The following TIMM44 variants were observed in gnomAD, a reference collection of about 807,000 sequenced individuals.
TIMM44 encodes the protein translocase of inner mitochondrial membrane 44.
In TIMM44, 37 loss-of-function variants were observed where a neutral mutation model predicts 63.8. That is an observed-to-expected ratio of 0.58 (90% CI 0.45 to 0.76). The LOEUF is 0.76. Ranked by LOEUF, TIMM44 falls within the 30% of genes least tolerant of loss-of-function variation. The pLI is 0.00. For synonymous variants in TIMM44, 239 were observed against 245.1 expected, an observed-to-expected ratio of 0.98 and a Z score of 0.23; for missense variants, 573 against 603.8, an observed-to-expected ratio of 0.95 and a Z score of 0.54.
At chr19:7,927,863 G>C (rs1466817414) in intron 11 of TIMM44, 96 bp from the exon 12 acceptor site, 19 of 1,330,244 alleles carry the variant, frequency 1.4e-5, no homozygotes, top group Admixed American at 1.1e-4. Context: ...CTAGGAGAAG[G>C]CTCCAGCACC....
At position 7,941,256 on chromosome 19, in the gene TIMM44, G is replaced by A. The variant is rs982475541; in HGVS notation, c.46-59C>T. 182 of 1,351,332 alleles carry A rather than the reference G, an allele frequency of 1.3e-4. 1 individual carries two copies. In the Middle Eastern group the frequency reaches 3.3e-3, roughly 24 times the overall value. The allele number at this position is 1,351,332 out of a possible 1,614,324, so 83.7% of individuals were successfully genotyped here. On this transcript the variant is annotated intron_variant, in intron 1 of 12. Transcript: ENST00000270538. Reference sequence around the variant, plus strand: ...TAACAAGAGGTTGACTGAGAAGTAAGCAGACCACACACAAAACAGCAGGGT... The same window carrying A: ...TAACAAGAGGTTGACTGAGAAGTAAACAGACCACACACAAAACAGCAGGGT...
chr19:7,932,546 C>T, intron 9 of TIMM44, 81 bp downstream of exon 9: 1 of 1,583,004 alleles, frequency 6.3e-7, no homozygotes, highest in Non-Finnish European at 8.6e-7. Context: ...CCTGGCAGCA[C>T]CCAGGGTGCC....
At chr19:7,939,432 T>C (rs1984243250) in intron 2 of TIMM44, among the ~76,000 whole-genome samples, 1 of 148,748 alleles carries the variant, frequency 6.7e-6, no homozygotes, top group Non-Finnish European at 1.5e-5. Flanking sequence ...ACCAACATAG[T>C]GAAACCCCCG....
At position 7,932,724 on chromosome 19, in the gene TIMM44, G is replaced by A. The variant is rs1352281392; in HGVS notation, c.890C>T (p.Ser297Leu). ...CCGGAGGATCTCCGTGAGCACCTCC[G>A]ACATCTCTGTCTTGGAGAACAGGCC... ...LGGLFSKTEM[S>L]EVLTEILRVD... Residue 297 changes from serine (S) to leucine (L), a missense_variant, in exon 9 of 13, where the codon TCG becomes TTG. Ser to Leu is a moderately radical substitution (Grantham distance 145). Coordinates refer to ENST00000270538, the MANE Select transcript of TIMM44 (RefSeq NM_006351.4). 6 of 1,614,096 alleles carry A rather than the reference G, an allele frequency of 3.7e-6. No homozygotes were observed. The highest frequency in any genetic ancestry group is 1.6e-4 in the Middle Eastern group (1 of 6,062).
At position 7,927,087 on chromosome 19, in the gene TIMM44, C is replaced by T. The variant is rs59433043; in HGVS notation, c.*100G>A. 4,577 of 1,495,414 alleles carry T rather than the reference C, an allele frequency of 3.1e-3. 118 individuals are homozygous for T. The African/African-American group carries it at 0.051, about 17-fold the overall frequency. The allele number at this position is 1,495,414 out of a possible 1,614,324, so 92.6% of individuals were successfully genotyped here. A position where few individuals can be genotyped will look rare whatever the true frequency, so the allele number is the denominator to read the frequency against. Reference sequence around the variant, plus strand: ...TCCTGGCAGAGCTGGGGGCAGAGCCCGCAGTCTTGTTCCCAGAGGTCTGGA... The same window carrying T: ...TCCTGGCAGAGCTGGGGGCAGAGCCTGCAGTCTTGTTCCCAGAGGTCTGGA... On this transcript the variant is annotated 3_prime_UTR_variant, in exon 13 of 13. Transcript: ENST00000270538.
In TIMM44 at chr19:7,943,656, G is replaced by A. The variant is rs1459667351; in HGVS notation, c.-5C>T. 6.4e-7 allele frequency: 1 copy of A among 1,563,664 alleles called. No individual in the cohort carries two copies. Among genetic ancestry groups the A allele is most frequent in the African/African-American group, 1.4e-5 (1 of 74,052 alleles). On this transcript the variant is annotated 5_prime_UTR_variant, in exon 1 of 13. Transcript: ENST00000270538. The surrounding 1 kb of genome is among the most constrained non-coding windows in gnomAD (Gnocchi z 4.3). ...CCGCAGGGCCGCCGCCGCCATGTTG[G>A]AGAATCGTGTGACCTTCTCGCGGCG...
intron 2 of TIMM44, among the ~76,000 whole-genome samples, chr19:7,940,046 C>T (rs751531977): frequency 6.6e-6 from 1 of 152,182 alleles, no homozygotes; most frequent in Non-Finnish European, 1.5e-5. Flanking sequence ...TCCCTGGCTC[C>T]TGTCAAGCTA....
At position 7,939,959 on chromosome 19, in the gene TIMM44, A is replaced by C. The variant is rs570631924; in HGVS notation, c.141+1143T>G. Among the ~76,000 whole-genome samples the C allele has an allele frequency of 1.6e-4, 25 of 152,092 alleles. 1 individual carries two copies. The highest frequency in any genetic ancestry group is 1.5e-3 in the South Asian group (7 of 4,816). ...TTAATGAATGATCATACAATAATCC[A>C]ATCAGGCGGAAGGGGCCGCCTGTGG... On this transcript the variant is annotated intron_variant, in intron 2 of 12. Transcript: ENST00000270538.
intron 2 of TIMM44, among the ~76,000 whole-genome samples, chr19:7,938,530 G>A (rs1050308151): frequency 6.6e-6 from 1 of 152,112 alleles, no homozygotes; most frequent in Non-Finnish European, 1.5e-5. Flanking sequence ...AAACAGGCTG[G>A]GCGCGGTGGT....
chr19:7,928,363 GAAC>G lies in TIMM44; in HGVS notation c.1039-200_1039-198del, dbSNP rs1222754696. ...CAGATCACACGCTTCCCACTCCTGG[GAAC>G]AACACTCTATCCAGATGACCCAATG... On this transcript the variant is annotated intron_variant, in intron 10 of 12. Transcript: ENST00000270538. 14 of 595,026 alleles carry G rather than the reference GAAC, an allele frequency of 2.4e-5. No homozygotes were observed. In the East Asian group the frequency reaches 3.6e-4, roughly 15 times the overall value. The allele number at this position is 595,026 out of a possible 1,614,324, so 36.9% of individuals were successfully genotyped here.
chr19:7,927,025 C>G lies in TIMM44; in HGVS notation c.*162G>C. The G allele has an allele frequency of 3.9e-6, 4 of 1,035,792 alleles. No individual in the cohort carries two copies. In the South Asian group the frequency reaches 4.4e-5, roughly 11 times the overall value. The allele number at this position is 1,035,792 out of a possible 1,614,324, so 64.2% of individuals were successfully genotyped here. A position where few individuals can be genotyped will look rare whatever the true frequency, so the allele number is the denominator to read the frequency against. On this transcript the variant is annotated 3_prime_UTR_variant, in exon 13 of 13. Coordinates refer to ENST00000270538, the MANE Select transcript of TIMM44 (RefSeq NM_006351.4). ...CCAGCTGCCGCGCACCCGCAACAGCCCGTTGTCCCCTCCCGGGCCAGCTGG... is the reference window on the plus strand; with the variant it reads ...CCAGCTGCCGCGCACCCGCAACAGCGCGTTGTCCCCTCCCGGGCCAGCTGG...
In TIMM44 at chr19:7,935,159, G is replaced by GCT. The variant is rs1644583030; in HGVS notation, c.313-16_313-15dup. ...CTCGATGGTTTTCTAGGTAAAGAGC[G>GCT]CTGTGTCCTTTTTTTTTTTTTTTTT... On this transcript the variant is annotated splice_polypyrimidine_tract_variant and intron_variant, in intron 3 of 12. Transcript: ENST00000270538. 2 of 1,521,080 alleles carry GCT rather than the reference G, an allele frequency of 1.3e-6. No homozygotes were observed. Among genetic ancestry groups the GCT allele is most frequent in the South Asian group, 2.3e-5 (2 of 87,178 alleles). 94.2% of individuals were successfully genotyped at this position (1,521,080 alleles called of 1,614,324 possible).
At chr19:7,928,506 ACT>A in intron 10 of TIMM44, 1 of 300,788 alleles carries the variant, frequency 3.3e-6, no homozygotes, top group East Asian at 7.7e-5. Context: ...TATTCGCCGC[ACT>A]CTGAATCTTG....
chr19:7,940,049 T>C (rs1984262916), intron 2 of TIMM44, among the ~76,000 whole-genome samples: 1 of 152,094 alleles, frequency 6.6e-6, no homozygotes, highest in African/African-American at 2.4e-5. Context: ...CTGGCTCCTG[T>C]CAAGCTACAA....
rs1027282468 is a variant in TIMM44, at chr19:7,932,211, C to T, written c.987+416G>A. The T allele has an allele frequency of 2.5e-5, 6 of 241,932 alleles. No individual in the cohort carries two copies. In the South Asian group the frequency reaches 3.3e-4, roughly 13 times the overall value. 15.0% of individuals were successfully genotyped at this position (241,932 alleles called of 1,614,324 possible). ...ACAAGGGTCTGGTTGCCAGGGACAG[C>T]ACCGTGAGGGAACCTCACGGCTGCA... On this transcript the variant is annotated intron_variant, in intron 9 of 12. Coordinates refer to ENST00000270538, the MANE Select transcript of TIMM44 (RefSeq NM_006351.4).
At position 7,933,443 on chromosome 19, in the gene TIMM44, C is replaced by A. The variant is rs1213758862; in HGVS notation, c.769+42G>T. 3.8e-6 allele frequency: 6 copies of A among 1,580,318 alleles called. No individual in the cohort carries two copies. Among genetic ancestry groups the A allele is most frequent in the Non-Finnish European group, 5.2e-6 (6 of 1,149,100 alleles). On this transcript the variant is annotated intron_variant, in intron 7 of 12. Transcript: ENST00000270538. This position sits in a 1 kb window ranked among gnomAD's most constrained non-coding sequence, Gnocchi z 4.3. ...GGATCACCTTGCGGTCCACCAACTGCCCGGGACACAGTCACCTGCCCTCCA... is the reference window on the plus strand; with the variant it reads ...GGATCACCTTGCGGTCCACCAACTGACCGGGACACAGTCACCTGCCCTCCA...
rs1984207164 is a variant in TIMM44 at position 7,938,091 on chromosome 19, T to C, written c.248A>G (p.Lys83Arg). ...KNKEMKESIK[K>R]FRDEARRLEE... ...TAGCCTTCTGGCCTCGTCACGGAAT[T>C]TTTTTATACTTTCTTTCATTTCTTT... Residue 83 changes from lysine to arginine, a missense_variant, in exon 3 of 13, where the codon AAA (lysine) becomes AGA (arginine). Physicochemically the swap from Lys to Arg is conservative, Grantham distance 26. Transcript: ENST00000270538. The C allele has an allele frequency of 6.2e-7, 1 of 1,614,036 alleles. No individual in the cohort carries two copies. Among genetic ancestry groups the C allele is most frequent in the Non-Finnish European group, 8.5e-7 (1 of 1,180,048 alleles).
Position 7,927,043 on chromosome 19 carries a change from C to T in TIMM44, c.*144G>A. The T allele has an allele frequency of 7.9e-7, 1 of 1,262,914 alleles. No homozygotes were observed. The highest frequency in any genetic ancestry group is 1.1e-6 in the Non-Finnish European group (1 of 907,826). The allele number at this position is 1,262,914 out of a possible 1,614,324, so 78.2% of individuals were successfully genotyped here. On this transcript the variant is annotated 3_prime_UTR_variant, in exon 13 of 13. Transcript: ENST00000270538. ...CAACAGCCCGTTGTCCCCTCCCGGG[C>T]CAGCTGGTCTTGCAGCCGTCCTGGC...
chr19:7,930,271 G>A (rs748174851), intron 10 of TIMM44, among the ~76,000 whole-genome samples: 24 of 150,704 alleles, frequency 1.6e-4, no homozygotes, highest in Non-Finnish European at 2.8e-4. Context: ...CCTAATAGCT[G>A]GGACAACAGG....
Sources: gnomAD v4.1 joint callset for allele counts (sites outside exome capture counted in the v4.1 genomes callset) on GRCh38, gnomAD v4.1.1 for gene constraint, Gnocchi (gnomAD v3.1) non-coding constraint, MANE v1.5 for transcripts, NCBI Gene and HGNC (gene_info 2026-07-23, HGNC 2026-07-21) for gene names.